RAD51AP1: variants seen among roughly 807,000 people sequenced by gnomAD.
The protein encoded by RAD51AP1 is RAD51 associated protein 1.
Under a neutral mutation model 34.3 loss-of-function variants are expected in RAD51AP1, and 14 were observed. The observed-to-expected ratio is 0.41, with a 90% confidence interval of 0.27 to 0.64. RAD51AP1 has a LOEUF of 0.64. Ranked by LOEUF, RAD51AP1 falls within the 30% of genes least tolerant of loss-of-function variation. RAD51AP1 has a pLI of 0.33. For missense variants in RAD51AP1, 348 were observed against 386.9 expected (o/e 0.90, Z 0.84); for synonymous variants, 114 against 129.8 (o/e 0.88, Z 0.83).
intron 3 of RAD51AP1, among the ~76,000 whole-genome samples, chr12:4,544,430 T>G (rs981059107): frequency 3.3e-5 from 5 of 152,136 alleles, no homozygotes; most frequent in African/African-American, 9.7e-5. Context: ...AAGGAAGTCC[T>G]TAGAGACCCA....
chr12:4,542,395 T>A (rs968137451), intron 2 of RAD51AP1, among the ~76,000 whole-genome samples: 11 of 152,244 alleles, frequency 7.2e-5, no homozygotes, highest in Admixed American at 1.3e-4. Context: ...TGAGGAACAT[T>A]GCATTAGATT....
In RAD51AP1 at chr12:4,538,890, G is replaced by A; in HGVS notation, c.-50G>A. ...TTGGGCGGGAATTGAAACCGCCGCTGAAGCCAACAAGAATTTGAGAACTGT... is the reference window on the plus strand; with the variant it reads ...TTGGGCGGGAATTGAAACCGCCGCTAAAGCCAACAAGAATTTGAGAACTGT... On this transcript the variant is annotated 5_prime_UTR_variant, in exon 1 of 9. Transcript: ENST00000352618. 1 of 1,609,386 alleles carries A rather than the reference G, an allele frequency of 6.2e-7. No homozygotes were observed. The highest frequency in any genetic ancestry group is 8.5e-7 in the Non-Finnish European group (1 of 1,176,268).
intron 6 of RAD51AP1, among the ~76,000 whole-genome samples, chr12:4,549,811 T>C (rs1944533484): frequency 6.6e-6 from 1 of 152,204 alleles, no homozygotes; most frequent in Non-Finnish European, 1.5e-5. Context: ...GCACCTCAGA[T>C]AAGGGATACT....
At chr12:4,556,218 C>T (rs1372398840) in intron 7 of RAD51AP1, 135 bp from the exon 8 acceptor site, 2 of 701,986 alleles carry the variant, frequency 2.8e-6, no homozygotes, top group African/African-American at 1.8e-5. Flanking sequence ...TATTCTTAGG[C>T]TCTCAATAAA....
At chr12:4,548,294 G>A in intron 5 of RAD51AP1, 116 bp downstream of exon 5, 7 of 1,340,710 alleles carry the variant, frequency 5.2e-6, no homozygotes, top group Non-Finnish European at 7.1e-6. Context: ...AGACTCTCTT[G>A]ATGTCATGGC....
At position 4,558,841 on chromosome 12, in the gene RAD51AP1, A is replaced by G. The variant is rs772888400; in HGVS notation, c.872-16A>G. On this transcript the variant is annotated splice_polypyrimidine_tract_variant and intron_variant, in intron 8 of 8. Coordinates refer to ENST00000352618, the MANE Select transcript of RAD51AP1 (RefSeq NM_006479.5). ...TTTCTGACATCATCAGCATCACATC[A>G]TATGTTTCCTTTCAGCGGCATCTGG... 3.1e-6 allele frequency: 5 copies of G among 1,613,434 alleles called. No homozygotes were observed. Among genetic ancestry groups the G allele is most frequent in the East Asian group, 2.2e-5 (1 of 44,872 alleles).
rs1944486920 is a variant in RAD51AP1, at chr12:4,543,870, G to T, written c.175G>T (p.Glu59Ter). The T allele has an allele frequency of 3.7e-6, 6 of 1,612,490 alleles. No individual in the cohort carries two copies. The South Asian group carries it at 5.5e-5, about 15-fold the overall frequency. Residue 59 changes from glutamate to a stop codon, truncating the protein, a stop_gained, in exon 3 of 9, where the codon GAA (glutamate) becomes TAA (stop). Coordinates refer to ENST00000352618, the MANE Select transcript of RAD51AP1 (RefSeq NM_006479.5). LOFTEE classifies it high-confidence loss of function. Reference sequence around the variant, plus strand: ...TAACTTGAACAATCTCCGGAAAGAAGAAATCCCAGTACAAGAGAAAACCCC... The same window carrying T: ...TAACTTGAACAATCTCCGGAAAGAATAAATCCCAGTACAAGAGAAAACCCC... Reference protein sequence around the residue: ...KPNLNNLRKEEIPVQEKTPKK... With the variant: ...KPNLNNLRKE
In RAD51AP1 at chr12:4,548,752, A is replaced by AG; in HGVS notation, c.472_473insG (p.Lys158ArgfsTer15). 6.2e-7 allele frequency: 1 copy of AG among 1,613,894 alleles called. No individual in the cohort carries two copies. The highest frequency in any genetic ancestry group is 8.5e-7 in the Non-Finnish European group (1 of 1,179,740). ...TCAAGGGAAAAGAAAAGCAGCATCT[A>AG]AAGCTGCAGCACAGCAGAGGAAGAT... On this transcript the variant is annotated frameshift_variant, in exon 6 of 9. Coordinates refer to ENST00000352618, the MANE Select transcript of RAD51AP1 (RefSeq NM_006479.5). LOFTEE classifies it high-confidence loss of function.
chr12:4,549,583 C>A (rs7972086), intron 6 of RAD51AP1, among the ~76,000 whole-genome samples: 38,247 of 151,890 alleles, frequency 0.25, 5,523 homozygotes, highest in African/African-American at 0.38. Context: ...TCTGGAACAA[C>A]GGAAATACAT....
At chr12:4,552,936 T>A in intron 6 of RAD51AP1, 47 bp from the exon 7 acceptor site, 1 of 1,475,252 alleles carries the variant, frequency 6.8e-7, no homozygotes, top group Non-Finnish European at 9.0e-7. Flanking sequence ...GGCAACAGAA[T>A]CCTCACTTTT....
intron 7 of RAD51AP1, among the ~76,000 whole-genome samples, chr12:4,555,783 A>T (rs991735985): frequency 3.3e-5 from 5 of 152,296 alleles, no homozygotes; most frequent in Non-Finnish European, 7.4e-5. Context: ...ATACCCCCAG[A>T]TTGCAGTTTC....
intron 6 of RAD51AP1, among the ~76,000 whole-genome samples, chr12:4,550,307 T>C (rs1944537021): frequency 6.6e-6 from 1 of 152,244 alleles, no homozygotes; most frequent in Non-Finnish European, 1.5e-5. Flanking sequence ...AAGAAGAGAA[T>C]CCTTCAGACT....
chr12:4,552,367 G>A (rs1404180876), intron 6 of RAD51AP1, among the ~76,000 whole-genome samples: 4 of 152,148 alleles, frequency 2.6e-5, no homozygotes, highest in Admixed American at 6.6e-5. Context: ...ATTTTGCCAC[G>A]AAGTGCAGAA....
intron 1 of RAD51AP1, among the ~76,000 whole-genome samples, chr12:4,540,119 G>C (rs1944451893): frequency 6.6e-6 from 1 of 152,146 alleles, no homozygotes; most frequent in Non-Finnish European, 1.5e-5. Flanking sequence ...ACAGGTAAGG[G>C]AAAGAAAGAA....
intron 6 of RAD51AP1, 102 bp downstream of exon 6, chr12:4,548,938 G>A (rs762064267): frequency 5.4e-6 from 7 of 1,307,956 alleles, no homozygotes; most frequent in African/African-American, 1.5e-5. Flanking sequence ...CCTTTGGGGT[G>A]TGCAAACTTC....
At chr12:4,558,610 C>T (rs1472559651) in intron 8 of RAD51AP1, among the ~76,000 whole-genome samples, 1 of 152,054 alleles carries the variant, frequency 6.6e-6, no homozygotes, top group Non-Finnish European at 1.5e-5. Context: ...CCCAGCCTTC[C>T]TTTTTCAGCT....
chr12:4,554,465 C>G (rs1194096766), intron 7 of RAD51AP1, among the ~76,000 whole-genome samples: 1 of 152,104 alleles, frequency 6.6e-6, no homozygotes, highest in Non-Finnish European at 1.5e-5. Flanking sequence ...ATCTGAGGAG[C>G]CAGTATTCTG....
chr12:4,551,382 C>T (rs11063224), intron 6 of RAD51AP1, among the ~76,000 whole-genome samples: 4 of 150,822 alleles, frequency 2.7e-5, no homozygotes, highest in African/African-American at 9.8e-5. Flanking sequence ...GTAATCCCAG[C>T]TACTTGGGAG....
At chr12:4,557,190 G>A (rs979929145) in intron 8 of RAD51AP1, among the ~76,000 whole-genome samples, 3 of 152,176 alleles carry the variant, frequency 2.0e-5, no homozygotes, top group African/African-American at 7.2e-5. Context: ...CAAACATGTT[G>A]TATGTATGCC....
Sources: gnomAD v4.1 joint callset for allele counts (sites outside exome capture counted in the v4.1 genomes callset) on GRCh38, gnomAD v4.1.1 for gene constraint, MANE v1.5 for transcripts, NCBI Gene and HGNC (gene_info 2026-07-23, HGNC 2026-07-21) for gene names.